The following CCT6B variants were observed in gnomAD, a reference collection of about 807,000 sequenced individuals.
CCT6B encodes probable T-complex protein 1 subunit zeta-2.
A neutral mutation model predicts 61.5 loss-of-function variants in CCT6B; 49 were observed. That is an observed-to-expected ratio of 0.80 (90% CI 0.63 to 1.01). CCT6B has a LOEUF of 1.01. Ranked by LOEUF, CCT6B falls within the 50% of genes least tolerant of loss-of-function variation. The pLI, the probability that CCT6B is intolerant of heterozygous loss-of-function variation, is 0.00. For missense variants in CCT6B, 666 were observed against 634.7 expected (o/e 1.05, Z -0.53); for synonymous variants, 228 against 214.5 (o/e 1.06, Z -0.55).
In CCT6B at chr17:34,958,771, G is replaced by A. The variant is rs988176725; in HGVS notation, c.202-77C>T. 1.4e-5 allele frequency: 15 copies of A among 1,064,298 alleles called. No individual in the cohort carries two copies. In the African/African-American group the frequency reaches 2.1e-4, roughly 15 times the overall value. 65.9% of individuals were successfully genotyped at this position (1,064,298 alleles called of 1,614,324 possible). On this transcript the variant is annotated intron_variant, in intron 2 of 13. Coordinates refer to ENST00000314144, the MANE Select transcript of CCT6B (RefSeq NM_006584.4). The stretch of plus-strand genomic sequence containing the variant: ...GGTCACCAAAAGCAAGATAACCTAG[G>A]GGTCAGTAGCAAAATTAAAAAATGA...
At position 34,932,478 on chromosome 17, in the gene CCT6B, A is replaced by T; in HGVS notation, c.1236T>A (p.Gly412=). The change falls in exon 11 of 14, where the codon GGT becomes GGA. Residue 412 remains glycine, a synonymous_variant. Coordinates refer to ENST00000314144, the MANE Select transcript of CCT6B (RefSeq NM_006584.4). ...IEDGCMVPGA[G]AIEVAMAEAL... ...CTTCAGCCATTGCCACTTCAATTGC[A>T]CCAGCTCCAGGAACCATACAACCTA... 1 of 1,611,102 alleles carries T rather than the reference A, an allele frequency of 6.2e-7. No individual in the cohort carries two copies. Among genetic ancestry groups the T allele is most frequent in the Non-Finnish European group, 8.5e-7 (1 of 1,178,918 alleles).
At chr17:34,958,738 A>C in intron 2 of CCT6B, 44 bp from the exon 3 acceptor site, 1 of 1,494,730 alleles carries the variant, frequency 6.7e-7, no homozygotes, top group Non-Finnish European at 9.0e-7. Flanking sequence ...GGATGAGATA[A>C]GGAAGTAGGT....
chr17:34,950,428 A>G (rs1490156678), intron 5 of CCT6B, among the ~76,000 whole-genome samples: 1 of 152,214 alleles, frequency 6.6e-6, no homozygotes, highest in African/African-American at 2.4e-5. Context: ...AAAGGCATAA[A>G]TAACACCAGA....
intron 10 of CCT6B, among the ~76,000 whole-genome samples, chr17:34,935,727 C>A (rs993344159): frequency 2.0e-5 from 3 of 151,998 alleles, no homozygotes; most frequent in Non-Finnish European, 4.4e-5. Flanking sequence ...CATGGTGGTG[C>A]ATGCCTGTAA....
chr17:34,946,513 T>C (rs1460437966), intron 5 of CCT6B, among the ~76,000 whole-genome samples: 4 of 152,128 alleles, frequency 2.6e-5, no homozygotes, highest in Admixed American at 6.5e-5. Flanking sequence ...CTTCTATAAA[T>C]AGTAAATAAG....
At position 34,928,097 on chromosome 17, in the gene CCT6B, A is replaced by C; in HGVS notation, c.1544T>G (p.Ile515Ser). The change falls in exon 14 of 14, where the codon ATT becomes AGT. Residue 515 changes from isoleucine (I) to serine (S), a missense_variant. Coordinates refer to ENST00000314144, the MANE Select transcript of CCT6B (RefSeq NM_006584.4). ...LHSCTVIATNILLVDEIMRAG... is the reference protein window; with the variant it reads ...LHSCTVIATNSLLVDEIMRAG... ...TCGCATAATTTCATCAACCAGGAGA[A>C]TGTTGGTGGCAATCACTGTGCTAAG... The C allele has an allele frequency of 6.2e-7, 1 of 1,612,202 alleles. No homozygotes were observed. Among genetic ancestry groups the C allele is most frequent in the Non-Finnish European group, 8.5e-7 (1 of 1,179,012 alleles).
chr17:34,940,932 C>A (rs887881392), intron 7 of CCT6B, among the ~76,000 whole-genome samples: 1 of 152,044 alleles, frequency 6.6e-6, no homozygotes, highest in Non-Finnish European at 1.5e-5. Context: ...TTTTGCAAAT[C>A]TCTTCAATGT....
intron 10 of CCT6B, among the ~76,000 whole-genome samples, chr17:34,938,693 TC>T (rs2090123371): frequency 6.6e-6 from 1 of 151,276 alleles, no homozygotes; most frequent in Non-Finnish European, 1.5e-5. Flanking sequence ...TGGTGAAACC[TC>T]ATCTCTACCA....
At chr17:34,943,552 C>T (rs2090190595) in intron 5 of CCT6B, 1 of 151,916 alleles carries the variant, frequency 6.6e-6, no homozygotes, top group African/African-American at 2.4e-5. Flanking sequence ...ATGAAGCATG[C>T]CTATAACTGT....
chr17:34,942,979 T>C, intron 5 of CCT6B, 73 bp from the exon 6 acceptor site: 1 of 807,642 alleles, frequency 1.2e-6, no homozygotes, highest in Non-Finnish European at 2.0e-6. Flanking sequence ...CATTGTACTA[T>C]TAAAGTTACA....
At chr17:34,960,887 A>G (rs564955751) in intron 1 of CCT6B, among the ~76,000 whole-genome samples, 1 of 152,322 alleles carries the variant, frequency 6.6e-6, no homozygotes, top group East Asian at 1.9e-4. Flanking sequence ...ACTACAATAC[A>G]TTGCCATACA....
In CCT6B at chr17:34,931,006, T is replaced by C. The variant is rs2090029146; in HGVS notation, c.1393A>G (p.Lys465Glu). The C allele has an allele frequency of 6.2e-7, 1 of 1,604,456 alleles. No homozygotes were observed. Among genetic ancestry groups the C allele is most frequent in the African/African-American group, 1.3e-5 (1 of 74,878 alleles). ...GACTCGACATGCTCAGCCTGAACTT[T>C]TACTAATGTTTCCTGTGGGTCATAA... Reference protein sequence around the residue: ...AGYDPQETLVKVQAEHVESKQ... With the variant: ...AGYDPQETLVEVQAEHVESKQ... Residue 465 changes from lysine (K) to glutamate (E), a missense_variant, in exon 12 of 14, where the codon AAA (lysine) becomes GAA (glutamate). Coordinates refer to ENST00000314144, the MANE Select transcript of CCT6B (RefSeq NM_006584.4).
intron 10 of CCT6B, among the ~76,000 whole-genome samples, chr17:34,937,269 C>T (rs536186869): frequency 9.9e-5 from 15 of 151,468 alleles, no homozygotes; most frequent in Admixed American, 4.6e-4. Context: ...CTTAGAATGA[C>T]CAAAATAACT....
At chr17:34,941,398 C>T (rs1473292951) in intron 7 of CCT6B, among the ~76,000 whole-genome samples, 2 of 152,146 alleles carry the variant, frequency 1.3e-5, no homozygotes, top group Non-Finnish European at 2.9e-5. Flanking sequence ...CATGTGGAAA[C>T]TTTGCCTATC....
chr17:34,939,806 G>T, intron 8 of CCT6B, 93 bp from the exon 9 acceptor site: 2 of 798,154 alleles, frequency 2.5e-6, no homozygotes, highest in South Asian at 1.5e-5. Flanking sequence ...AGACTGTATT[G>T]TTACTGTATT....
intron 5 of CCT6B, chr17:34,944,233 C>T (rs2090198933): frequency 6.6e-6 from 1 of 152,098 alleles, no homozygotes; most frequent in African/African-American, 2.4e-5. Flanking sequence ...AAACATTGTC[C>T]CATTACTACC....
rs1283523610 is a variant in CCT6B at position 34,932,462 on chromosome 17, T to C, written c.1252A>G (p.Met418Val). The C allele has an allele frequency of 1.9e-6, 3 of 1,611,946 alleles. No individual in the cohort carries two copies. The highest frequency in any genetic ancestry group is 1.7e-5 in the Admixed American group (1 of 59,756). ...TTATATGTAACAAGAGCTTCAGCCA[T>C]TGCCACTTCAATTGCACCAGCTCCA... ...VPGAGAIEVA[M>V]AEALVTYKNS... Residue 418 changes from methionine to valine, a missense_variant, in exon 11 of 14, where the codon ATG (methionine) becomes GTG (valine). Coordinates refer to ENST00000314144, the MANE Select transcript of CCT6B (RefSeq NM_006584.4).
Position 34,939,291 on chromosome 17 carries a change from G to C in CCT6B, c.1105C>G (p.Pro369Ala). The C allele has an allele frequency of 6.2e-7, 1 of 1,613,444 alleles. No homozygotes were observed. Among genetic ancestry groups the C allele is most frequent in the Non-Finnish European group, 8.5e-7 (1 of 1,179,732 alleles). The change falls in exon 10 of 14, where the codon CCT (proline) becomes GCT (alanine). Residue 369 changes from proline to alanine, a missense_variant. Transcript: ENST00000314144. ...KFTFIEECVN[P>A]CSVTLLVKGP... ...TTAACCAACAAGGTAACAGAGCAAGGGTTAACACACTCCTCAATAAAAGTG... is the reference window on the plus strand; with the variant it reads ...TTAACCAACAAGGTAACAGAGCAAGCGTTAACACACTCCTCAATAAAAGTG...
chr17:34,943,502 T>C (rs1470775763), intron 5 of CCT6B: 1 of 152,188 alleles, frequency 6.6e-6, no homozygotes, highest in African/African-American at 2.4e-5. Flanking sequence ...GGAAAAATAT[T>C]TATAGGGCTA....
Sources: allele counts gnomAD v4.1 joint callset (sites outside exome capture counted in the v4.1 genomes callset), GRCh38; gene constraint gnomAD v4.1.1; transcripts MANE v1.5; gene names NCBI Gene and HGNC (gene_info 2026-07-23, HGNC 2026-07-21).